DCTN1: variants seen among roughly 807,000 people sequenced by gnomAD.
DCTN1 encodes the protein dynactin subunit 1.
A neutral mutation model predicts 161.2 loss-of-function variants in DCTN1; 61 were observed. The ratio of observed to expected loss-of-function variants is 0.38; its 90% confidence interval spans 0.31 to 0.47. The LOEUF is 0.47. Ranked by LOEUF, DCTN1 falls within the 20% of genes least tolerant of loss-of-function variation. The pLI is 0.99. For missense variants in DCTN1, 1,404 were observed against 1,623.7 expected (o/e 0.86, Z 2.33); for synonymous variants, 653 against 632.4 (o/e 1.03, Z -0.49).
chr2:74,386,613 A>G (rs1675744371), intron 1 of DCTN1: 1 of 152,122 alleles, frequency 6.6e-6, no homozygotes, highest in Non-Finnish European at 1.5e-5. Flanking sequence ...TACATTTTCA[A>G]GTCCTTACTC....
Position 74,380,305 on chromosome 2 carries a change from T to C in DCTN1, c.-268A>G. 1 of 591,624 alleles carries C rather than the reference T, an allele frequency of 1.7e-6. No individual in the cohort carries two copies. Among genetic ancestry groups the C allele is most frequent in the Middle Eastern group, 2.8e-4 (1 of 3,586 alleles). 36.6% of individuals were successfully genotyped at this position (591,624 alleles called of 1,614,324 possible). ...AATCCTGCTTGCCAGCTGATGAGTC[T>C]CACTCTGCGCTAGTGCTGCTCTAGA... On this transcript the variant is annotated 5_prime_UTR_variant, in exon 1 of 32. Transcript: ENST00000628224.
chr2:74,378,028 C>T lies in DCTN1; in HGVS notation c.251G>A (p.Gly84Glu). 12 of 1,614,256 alleles carry T rather than the reference C, an allele frequency of 7.4e-6. No individual in the cohort carries two copies. The highest frequency in any genetic ancestry group is 1.0e-5 in the Non-Finnish European group (12 of 1,180,046). ...GGACTGGCGCACAAAGATGCCATGC[C>T]CTTCATCACAAGTGAAGTACTTCCT... ...QGRKYFTCDE[G>E]HGIFVRQSQI... Residue 84 changes from glycine (G) to glutamate (E), a missense_variant, in exon 2 of 32, where the codon GGG (glycine) becomes GAG (glutamate). Physicochemically the swap from Gly to Glu is moderately conservative, Grantham distance 98 (BLOSUM62 -2). Coordinates refer to ENST00000628224, the MANE Select transcript of DCTN1 (RefSeq NM_004082.5).
intron 6 of DCTN1, 53 bp from the exon 7 acceptor site, chr2:74,373,001 G>A (rs1385065093): frequency 1.3e-6 from 2 of 1,574,618 alleles, no homozygotes; most frequent in East Asian, 2.2e-5. Context: ...AAAGGACAAT[G>A]GCAGAAAGAC....
chr2:74,370,259 A>G lies in DCTN1; in HGVS notation c.1214T>C (p.Val405Ala). The change falls in exon 12 of 32, where the codon GTG becomes GCG. Residue 405 changes from valine to alanine, a missense_variant. Coordinates refer to ENST00000628224, the MANE Select transcript of DCTN1 (RefSeq NM_004082.5). This position sits in a 1 kb window ranked among gnomAD's most constrained non-coding sequence, Gnocchi z 4.4. ...CTGCAGACGCTCCCGCTGTTGCCTC[A>G]CAACTTCCAGCTCTTGGTTCTTCTT... ...MEKKNQELEV[V>A]RQQRERLQEE... 1 of 1,614,086 alleles carries G rather than the reference A, an allele frequency of 6.2e-7. No individual in the cohort carries two copies. Among genetic ancestry groups the G allele is most frequent in the Non-Finnish European group, 8.5e-7 (1 of 1,180,030 alleles).
At position 74,361,488 on chromosome 2, in the gene DCTN1, G is replaced by A. The variant is rs1673984065; in HGVS notation, c.*11C>T. 6 of 1,613,950 alleles carry A rather than the reference G, an allele frequency of 3.7e-6. No homozygotes were observed. The South Asian group carries it at 6.6e-5, about 18-fold the overall frequency. ...CTGAGGGTCGAAGGGGACAGCAGGG[G>A]AAAGGAGTGCTTAGGAGATGAGGCG... On this transcript the variant is annotated 3_prime_UTR_variant, in exon 32 of 32. Coordinates refer to ENST00000628224, the MANE Select transcript of DCTN1 (RefSeq NM_004082.5).
At chr2:74,383,350 C>T (rs1057041618), upstream of DCTN1, among the ~76,000 whole-genome samples, 1 of 152,160 alleles carries the variant, frequency 6.6e-6, no homozygotes, top group African/African-American at 2.4e-5. Context: ...ATTGAATAAA[C>T]ATTTATTGAA....
chr2:74,370,793 G>A lies in DCTN1; in HGVS notation c.876C>T (p.Arg292=), dbSNP rs762389920. The A allele has an allele frequency of 1.2e-6, 2 of 1,614,082 alleles. No homozygotes were observed. Among genetic ancestry groups the A allele is most frequent in the African/African-American group, 2.7e-5 (2 of 74,922 alleles). The change falls in exon 10 of 32, where the codon CGC becomes CGT. Residue 292 remains arginine, a synonymous_variant. Transcript: ENST00000628224. The surrounding 1 kb of genome is among the most constrained non-coding windows in gnomAD (Gnocchi z 4.4). ...EAKEALEAKE[R]YMEEMADTAD... ...CAGTATCAGCCATCTCCTCCATATA[G>A]CGTTCCTTTGCCTCCAGCGCCTCCT...
chr2:74,382,698 TA>T (rs1413732087), upstream of DCTN1, among the ~76,000 whole-genome samples: 2 of 150,896 alleles, frequency 1.3e-5, no homozygotes, highest in African/African-American at 4.9e-5. Flanking sequence ...ACACAATAAA[TA>T]TAAGAAATTA....
chr2:74,362,732 G>A lies in DCTN1; in HGVS notation c.3530-3C>T, dbSNP rs1328100311. 3.7e-6 allele frequency: 6 copies of A among 1,613,746 alleles called. No homozygotes were observed. In the South Asian group the frequency reaches 4.4e-5, roughly 12 times the overall value. On this transcript the variant is annotated splice_polypyrimidine_tract_variant and splice_region_variant and intron_variant, in intron 29 of 31. Coordinates refer to ENST00000628224, the MANE Select transcript of DCTN1 (RefSeq NM_004082.5). ...TTGGGCCGACGGGCTCTTGGCAGCT[G>A]TGGGGAGAGAAAGCTGGTGAGGCCC...
intron 6 of DCTN1, chr2:74,373,200 C>T (rs960714094): frequency 7.0e-6 from 4 of 567,638 alleles, no homozygotes; most frequent in African/African-American, 1.9e-5. Context: ...GGCCTCACCC[C>T]TTCAGACACC....
In DCTN1 at chr2:74,362,198, C is replaced by A. The variant is rs1339901571; in HGVS notation, c.3610-57G>T. On this transcript the variant is annotated intron_variant, in intron 30 of 31. Transcript: ENST00000628224. ...TTTATGGGACCCCCACAGGCTAGCA[C>A]AAGACCACGTGGTTTCACAGAGACA... is the stretch of plus-strand genomic sequence containing the variant. 5.2e-6 allele frequency: 8 copies of A among 1,523,974 alleles called. No individual in the cohort carries two copies. In the African/African-American group the frequency reaches 9.6e-5, roughly 18 times the overall value. The allele number at this position is 1,523,974 out of a possible 1,614,324, so 94.4% of individuals were successfully genotyped here.
chr2:74,391,071 A>C (rs1675973868), intron 1 of DCTN1: 1 of 152,740 alleles, frequency 6.5e-6, no homozygotes, highest in African/African-American at 2.4e-5. Flanking sequence ...CCTTTTTTAA[A>C]AATAAAGTTA....
chr2:74,370,828 G>A lies in DCTN1; in HGVS notation c.844-3C>T. 2 of 1,614,184 alleles carry A rather than the reference G, an allele frequency of 1.2e-6. No homozygotes were observed. The highest frequency in any genetic ancestry group is 1.7e-6 in the Non-Finnish European group (2 of 1,180,024). On this transcript the variant is annotated splice_region_variant and splice_polypyrimidine_tract_variant and intron_variant, in intron 9 of 31. Transcript: ENST00000628224. The surrounding 1 kb of genome is among the most constrained non-coding windows in gnomAD (Gnocchi z 4.4). ...GCCTCCAGCGCCTCCTTGGCTTCCT[G>A]AGGAAGAAGTGGAGGTGGGAGGGGG... is the stretch of plus-strand genomic sequence containing the variant.
At chr2:74,381,387 T>G (rs943167186), upstream of DCTN1, among the ~76,000 whole-genome samples, 2 of 152,190 alleles carry the variant, frequency 1.3e-5, no homozygotes, top group African/African-American at 4.8e-5. Flanking sequence ...CTCTACCCTC[T>G]TAAGATAGGC....
chr2:74,362,219 A>G (rs918193512), intron 30 of DCTN1, 78 bp from the exon 31 acceptor site: 37 of 1,297,378 alleles, frequency 2.9e-5, no homozygotes, highest in Middle Eastern at 1.8e-4. Context: ...GGTTTCACAG[A>G]GACACTAATA....
upstream of DCTN1, among the ~76,000 whole-genome samples, chr2:74,382,176 AACTC>A (rs1675538875): frequency 6.6e-6 from 1 of 152,228 alleles, no homozygotes; most frequent in Non-Finnish European, 1.5e-5. Flanking sequence ...ATAGCCTCAC[AACTC>A]ACTAACCACA....
chr2:74,389,550 CT>C (rs1675899631), intron 1 of DCTN1, among the ~76,000 whole-genome samples: 1 of 152,212 alleles, frequency 6.6e-6, no homozygotes, highest in South Asian at 2.1e-4. Context: ...ACTTTGACTC[CT>C]CCCTAACAAC....
At chr2:74,362,967 T>G (rs72659384) in intron 29 of DCTN1, 27 bp downstream of exon 29, 1 of 1,606,822 alleles carries the variant, frequency 6.2e-7, no homozygotes, top group Non-Finnish European at 8.5e-7. Context: ...GCAGTTTTAT[T>G]CATCTTGGGG....
chr2:74,382,859 T>A (rs1027372654), upstream of DCTN1, among the ~76,000 whole-genome samples: 1 of 149,766 alleles, frequency 6.7e-6, no homozygotes, highest in East Asian at 2.0e-4. Context: ...GATCATGAGG[T>A]CAGGAGATCG....
Sources: gnomAD v4.1 joint callset for allele counts (sites outside exome capture counted in the v4.1 genomes callset) on GRCh38, gnomAD v4.1.1 for gene constraint, Gnocchi (gnomAD v3.1) non-coding constraint, MANE v1.5 for transcripts, NCBI Gene and HGNC (gene_info 2026-07-23, HGNC 2026-07-21) for gene names.